The following CASD1 variants were observed in gnomAD, a reference collection of about 807,000 sequenced individuals.
CASD1 encodes the protein CAS1 domain sialic acid O acetyltransferase 1, also known as N-acetylneuraminate (7)9-O-acetyltransferase.
Under a neutral mutation model 100.0 loss-of-function variants are expected in CASD1, and 41 were observed. The ratio of observed to expected loss-of-function variants is 0.41; its 90% CI spans 0.32 to 0.53. The LOEUF is 0.53. CASD1 is among the 20% of genes least tolerant of loss of function. The pLI, the probability that CASD1 is intolerant of heterozygous loss-of-function variation, is 0.25. For missense variants in CASD1, 774 were observed against 948.7 expected (o/e 0.82, Z 2.42); for synonymous variants, 321 against 315.6 (o/e 1.02, Z -0.18).
the CASD1 span, among the ~76,000 whole-genome samples, chr7:94,613,302 G>A: frequency 1.3e-5 from 2 of 152,132 alleles, no homozygotes. Context: ...TGCTACACAT[G>A]CTAAAATTAT....
At chr7:94,614,542 C>T in the CASD1 span, among the ~76,000 whole-genome samples, 3 of 152,194 alleles carry the variant, frequency 2.0e-5, no homozygotes, top group African/African-American at 4.8e-5. Context: ...ACTATGCTCT[C>T]TCCTACCTTC....
At chr7:94,603,465 GA>G in the CASD1 span, 1 of 1,611,304 alleles carries the variant, frequency 6.2e-7, no homozygotes, top group East Asian at 2.2e-5. Context: ...GTAAAAATGT[GA>G]AACTCTCAGG....
rs762596324 is a variant in CASD1 at position 94,537,656 on chromosome 7, C to T, written c.1028C>T (p.Pro343Leu). The stretch of plus-strand genomic sequence containing the variant: ...CGTAATGCTCATCGGAAGAATAAGC[C>T]GTGTACTGATTTGGAAAGTGGAGAG... ...IHRNAHRKNK[P>L]CTDLESGEEK... Residue 343 changes from proline to leucine, a missense_variant, in exon 9 of 18, where the codon CCG becomes CTG. Pro to Leu is a moderately conservative substitution (Grantham distance 98). Around this residue, in one of 5 missense-constraint regions of CASD1, gnomAD observed 453 missense variants for 532.6 expected, o/e 0.85. Transcript: ENST00000297273. 14 of 1,613,526 alleles carry T rather than the reference C, an allele frequency of 8.7e-6. No individual in the cohort carries two copies. The highest frequency in any genetic ancestry group is 5.3e-5 in the African/African-American group (4 of 74,952).
chr7:94,580,386 T>C, the CASD1 span, among the ~76,000 whole-genome samples: 1 of 152,156 alleles, frequency 6.6e-6, no homozygotes, highest in African/African-American at 2.4e-5. Context: ...CTCACTAGGC[T>C]CTCTTCTTCC....
chr7:94,586,288 C>G, the CASD1 span, among the ~76,000 whole-genome samples: 1 of 152,088 alleles, frequency 6.6e-6, no homozygotes, highest in South Asian at 2.1e-4. Context: ...TGCCTCTATG[C>G]AGTATTAGGA....
At chr7:94,587,902 C>CT in the CASD1 span, 1 of 1,487,986 alleles carries the variant, frequency 6.7e-7, no homozygotes, top group African/African-American at 1.4e-5. Flanking sequence ...TTTTAAGAGA[C>CT]TTACTTAATA....
Position 94,533,766 on chromosome 7 carries a change from T to C in CASD1, c.592T>C (p.Leu198=), listed in dbSNP as rs372607727. The change falls in exon 7 of 18, where the codon TTG becomes CTG. Residue 198 remains leucine (L), a synonymous_variant. Transcript: ENST00000297273. ...ITSIAPLLEK[L]AKTSDVYWVL... Reference sequence around the variant, plus strand: ...CTCCATAGCACCACTTTTAGAAAAATTGGCAAAGACTAGTGATGTTTATTG... The same window carrying C: ...CTCCATAGCACCACTTTTAGAAAAACTGGCAAAGACTAGTGATGTTTATTG... 12 of 1,601,228 alleles carry C rather than the reference T, an allele frequency of 7.5e-6. No individual in the cohort carries two copies. The highest frequency in any genetic ancestry group is 1.3e-5 in the African/African-American group (1 of 74,276).
the CASD1 span, chr7:94,598,465 G>A: frequency 3.1e-6 from 1 of 319,768 alleles, no homozygotes; most frequent in Admixed American, 4.6e-5. Context: ...TTAGGATATG[G>A]TTCTTTTTTT....
chr7:94,587,225 G>A, the CASD1 span: 2 of 985,438 alleles, frequency 2.0e-6, no homozygotes, highest in African/African-American at 1.7e-5. Context: ...AATGTAGCAA[G>A]TTAACAAGAG....
chr7:94,627,104 TA>T, the CASD1 span: 1 of 152,026 alleles, frequency 6.6e-6, no homozygotes, highest in Non-Finnish European at 1.5e-5. Context: ...TACACTGCCT[TA>T]AGGAATATGA....
the CASD1 span, among the ~76,000 whole-genome samples, chr7:94,573,238 A>G: frequency 7.2e-5 from 11 of 152,182 alleles, no homozygotes; most frequent in Admixed American, 2.0e-4. Flanking sequence ...GAATTTTAAA[A>G]TAGTTTTTTT....
At chr7:94,534,131 A>G (rs1794991484) in intron 7 of CASD1, among the ~76,000 whole-genome samples, 1 of 149,838 alleles carries the variant, frequency 6.7e-6, no homozygotes. Context: ...ATTGGGAAAT[A>G]TATACAAAAA....
chr7:94,575,096 G>A, the CASD1 span, among the ~76,000 whole-genome samples: 1 of 152,016 alleles, frequency 6.6e-6, no homozygotes, highest in African/African-American at 2.4e-5. Context: ...TAGCTTTGGG[G>A]TTGATTTGTT....
At chr7:94,578,889 A>G in the CASD1 span, among the ~76,000 whole-genome samples, 1 of 152,170 alleles carries the variant, frequency 6.6e-6, no homozygotes, top group African/African-American at 2.4e-5. Context: ...ATTAGTCTTC[A>G]AATTATGTCT....
rs563181047 is a variant in CASD1 at position 94,554,637 on chromosome 7, G to A, written c.2127+62G>A. ...AGGTGTTTCATGTTTGTGTATGTAC[G>A]TGTGTGTGTGTAAATATCACACATA... On this transcript the variant is annotated intron_variant, in intron 17 of 17. Transcript: ENST00000297273. 1.0e-4 allele frequency: 97 copies of A among 974,366 alleles called. 1 individual carries two copies. The South Asian group carries it at 1.1e-3, about 11-fold the overall frequency. 60.4% of individuals were successfully genotyped at this position (974,366 alleles called of 1,614,324 possible).
intron 16 of CASD1, chr7:94,553,816 A>AAATAAAT (rs1170725797): frequency 7.2e-6 from 1 of 139,400 alleles, no homozygotes; most frequent in Non-Finnish European, 1.5e-5. Flanking sequence ...ATAAATAAAT[A>AAATAAAT]AAAAGAAAAT....
intron 3 of CASD1, among the ~76,000 whole-genome samples, chr7:94,524,024 T>C (rs1418987171): frequency 6.6e-6 from 1 of 152,188 alleles, no homozygotes; most frequent in African/African-American, 2.4e-5. Flanking sequence ...CCTCACACCA[T>C]CTAGTAAAAT....
At chr7:94,580,808 C>A in the CASD1 span, among the ~76,000 whole-genome samples, 2 of 152,228 alleles carry the variant, frequency 1.3e-5, no homozygotes, top group African/African-American at 4.8e-5. Context: ...TGAAACATAT[C>A]ATTCTCTTAG....
the CASD1 span, among the ~76,000 whole-genome samples, chr7:94,615,917 T>C: frequency 6.6e-6 from 1 of 152,164 alleles, no homozygotes; most frequent in African/African-American, 2.4e-5. Flanking sequence ...GGAGGAAAAG[T>C]AGCACCAAGA....
Sources: gnomAD v4.1 joint callset for allele counts (sites outside exome capture counted in the v4.1 genomes callset) on GRCh38, gnomAD v4.1.1 for gene constraint, gnomAD v4.1.1 regional missense constraint, MANE v1.5 for transcripts, NCBI Gene and HGNC (gene_info 2026-07-23, HGNC 2026-07-21) for gene names.